Variants in UVRAG observed in about 807,000 individuals in gnomAD.
The protein encoded by UVRAG is UV radiation resistance-associated gene protein.
A neutral mutation model predicts 78.0 loss-of-function variants in UVRAG; 19 were observed. The ratio of observed to expected loss-of-function variants is 0.24; its 90% CI spans 0.17 to 0.36. The LOEUF (loss-of-function observed/expected upper bound fraction) is 0.36, where lower values mean the gene tolerates loss of function less well. UVRAG is among the 10% of genes least tolerant of loss of function. UVRAG has a pLI of 1.00. For synonymous variants in UVRAG, 323 were observed against 324.6 expected, an observed-to-expected ratio of 1.00 and a Z score of 0.05; for missense variants, 740 against 853.8, an observed-to-expected ratio of 0.87 and a Z score of 1.66.
Position 75,908,761 on chromosome 11 carries a change from A to G in UVRAG, c.508-3193A>G, listed in dbSNP as rs145815027. ...TTTTGTGGGAGTTTTGTGATTACAA[A>G]TTCTATCTACCTCTTTATCTGTTAT... On this transcript the variant is annotated intron_variant, in intron 5 of 14. Transcript: ENST00000356136. 5.0e-3 allele frequency among the ~76,000 whole-genome samples: 632 copies of G among 126,632 alleles called. 6 individuals are homozygous for G. The highest frequency in any genetic ancestry group is 0.02 in the African/African-American group (596 of 29,992). The allele number at this position is 126,632 out of a possible 152,430, so 83.1% of individuals were successfully genotyped here. A position where few individuals can be genotyped will look rare whatever the true frequency, so the allele number is the denominator to read the frequency against.
At chr11:76,138,297 G>C (rs945334078) in intron 14 of UVRAG, among the ~76,000 whole-genome samples, 1 of 152,190 alleles carries the variant, frequency 6.6e-6, no homozygotes, top group Admixed American at 6.5e-5. Context: ...CTTCAGCCTT[G>C]AACAAACCAC....
At chr11:76,074,762 G>T (rs1951375148) in intron 13 of UVRAG, among the ~76,000 whole-genome samples, 1 of 152,156 alleles carries the variant, frequency 6.6e-6, no homozygotes, top group Non-Finnish European at 1.5e-5. Flanking sequence ...CTACAATTCT[G>T]TGAGTTAGAC....
intron 13 of UVRAG, among the ~76,000 whole-genome samples, chr11:76,093,388 T>G (rs929565179): frequency 6.6e-6 from 1 of 152,250 alleles, no homozygotes; most frequent in Non-Finnish European, 1.5e-5. Context: ...TGTCCAATTC[T>G]GTGAAGAAAG....
rs1457524229 is a variant in UVRAG, at chr11:75,837,096, A to AGC, written c.118-14787_118-14786insGC. ...TGTAATCCCAGCACTTTGGGAGGCC[A>AGC]AGGTGGGTGGATCCTGAGGTCAGGA... is the stretch of plus-strand genomic sequence containing the variant. On this transcript the variant is annotated intron_variant, in intron 1 of 14. Coordinates refer to ENST00000356136, the MANE Select transcript of UVRAG (RefSeq NM_003369.4). Among the ~76,000 whole-genome samples the AGC allele has an allele frequency of 2.9e-3, 447 of 152,212 alleles. 6 individuals are homozygous for AGC. In the East Asian group the frequency reaches 0.074, roughly 25 times the overall value.
intron 14 of UVRAG, among the ~76,000 whole-genome samples, chr11:76,133,821 T>C (rs1952552756): frequency 6.6e-6 from 1 of 151,996 alleles, no homozygotes; most frequent in African/African-American, 2.4e-5. Context: ...ATTCAAAGCT[T>C]TCCCCACCTC....
At chr11:76,043,955 A>C (rs539584199) in intron 12 of UVRAG, among the ~76,000 whole-genome samples, 2 of 152,356 alleles carry the variant, frequency 1.3e-5, no homozygotes, top group Non-Finnish European at 1.5e-5. Context: ...GGAAACCTCA[A>C]ATTAACAATG....
At chr11:76,003,092 A>G (rs1949849415) in intron 8 of UVRAG, among the ~76,000 whole-genome samples, 1 of 151,842 alleles carries the variant, frequency 6.6e-6, no homozygotes, top group African/African-American at 2.4e-5. Context: ...GAAAAAAAGA[A>G]TTGAGGTATG....
At chr11:75,986,354 A>G (rs7947864) in intron 8 of UVRAG, among the ~76,000 whole-genome samples, 13,525 of 152,138 alleles carry the variant, frequency 0.089, 1,312 homozygotes, top group African/African-American at 0.25. Context: ...TTTCTGGTAT[A>G]TAGATGTACA....
At chr11:75,941,806 A>T (rs1948489965) in intron 6 of UVRAG, among the ~76,000 whole-genome samples, 1 of 152,126 alleles carries the variant, frequency 6.6e-6, no homozygotes, top group South Asian at 2.1e-4. Context: ...TTAGATGTGG[A>T]ACTTCAGGGC....
chr11:76,103,906 G>C (rs1951927274), intron 13 of UVRAG, among the ~76,000 whole-genome samples: 1 of 151,646 alleles, frequency 6.6e-6, no homozygotes, highest in South Asian at 2.1e-4. Flanking sequence ...AAACAGAGAT[G>C]TAACTATTGT....
chr11:75,944,045 C>A (rs1202476798), intron 6 of UVRAG, among the ~76,000 whole-genome samples: 1 of 152,178 alleles, frequency 6.6e-6, no homozygotes, highest in East Asian at 1.9e-4. Context: ...CTCTGATCAA[C>A]CTTTCCAGCC....
chr11:75,871,158 G>A (rs1453452179), intron 3 of UVRAG, among the ~76,000 whole-genome samples: 1 of 151,900 alleles, frequency 6.6e-6, no homozygotes, highest in South Asian at 2.1e-4. Flanking sequence ...ACAAGCATGC[G>A]CCCCTGCGCC....
chr11:75,863,738 A>G (rs564986213), intron 3 of UVRAG, among the ~76,000 whole-genome samples: 1 of 152,322 alleles, frequency 6.6e-6, no homozygotes, highest in East Asian at 1.9e-4. Context: ...TGTAGAATGG[A>G]TTCAAGACAA....
At chr11:75,848,899 C>T (rs764779994) in intron 1 of UVRAG, among the ~76,000 whole-genome samples, 7 of 152,174 alleles carry the variant, frequency 4.6e-5, no homozygotes, top group Admixed American at 1.3e-4. Context: ...TAAGACTAGG[C>T]TGGGTGTGGT....
chr11:75,978,832 G>C (rs1949317841), intron 7 of UVRAG, among the ~76,000 whole-genome samples: 2 of 152,118 alleles, frequency 1.3e-5, no homozygotes, highest in South Asian at 4.1e-4. Context: ...TTAGCTTGGA[G>C]AATTTTGTTA....
At chr11:75,960,293 T>C (rs943639566) in intron 6 of UVRAG, among the ~76,000 whole-genome samples, 3 of 151,614 alleles carry the variant, frequency 2.0e-5, no homozygotes, top group African/African-American at 7.3e-5. Context: ...TACAGAAATA[T>C]AATTGATTTT....
At chr11:75,931,233 G>T (rs1034324620) in intron 6 of UVRAG, among the ~76,000 whole-genome samples, 1 of 151,430 alleles carries the variant, frequency 6.6e-6, no homozygotes, top group Admixed American at 6.6e-5. Flanking sequence ...GATACTTATT[G>T]CTCTTCTAGT....
At position 76,054,995 on chromosome 11, in the gene UVRAG, G is replaced by A. The variant is rs538385407; in HGVS notation, c.1227-10715G>A. On this transcript the variant is annotated intron_variant, in intron 12 of 14. Transcript: ENST00000356136. ...TTACTCTAATTTCAAATGCTCTTAC[G>A]TCTTCTCTCTTTCAAATTTCTGACC... 1.1e-4 allele frequency among the ~76,000 whole-genome samples: 17 copies of A among 152,186 alleles called. 1 individual carries two copies. In the South Asian group the frequency reaches 3.1e-3, roughly 28 times the overall value.
chr11:75,977,332 G>A (rs1949265305), intron 7 of UVRAG, among the ~76,000 whole-genome samples: 1 of 152,170 alleles, frequency 6.6e-6, no homozygotes, highest in African/African-American at 2.4e-5. Context: ...GTGCTGAGAA[G>A]GGTGTATATT....
Sources: allele counts gnomAD v4.1 joint callset (sites outside exome capture counted in the v4.1 genomes callset), GRCh38; gene constraint gnomAD v4.1.1; transcripts MANE v1.5; gene names NCBI Gene and HGNC (gene_info 2026-07-23, HGNC 2026-07-21).